ZC3H12B: variants seen among roughly 807,000 people sequenced by gnomAD.
ZC3H12B encodes the protein probable ribonuclease ZC3H12B.
In ZC3H12B, 7 loss-of-function variants were observed where a neutral mutation model predicts 43.9. The observed-to-expected ratio is 0.16, with a 90% CI of 0.09 to 0.30. ZC3H12B has a LOEUF of 0.30. ZC3H12B is among the 10% of genes least tolerant of loss of function. The probability of loss-of-function intolerance (pLI) is 1.00; values close to 1 mark genes in which losing one functional copy is unlikely to be tolerated. For synonymous variants in ZC3H12B, 222 were observed against 241.7 expected, an observed-to-expected ratio of 0.92 and a Z score of 0.76; for missense variants, 475 against 670.2, an observed-to-expected ratio of 0.71 and a Z score of 3.22.
chrX:65,307,190 G>C, the ZC3H12B span, among the ~76,000 whole-genome samples: 1 of 112,137 alleles, frequency 8.9e-6, no homozygotes, highest in Non-Finnish European at 1.9e-5. Flanking sequence ...AAGGTGTTTA[G>C]AGTTTTGACA....
At chrX:65,343,670 CA>C in the ZC3H12B span, among the ~76,000 whole-genome samples, 1 of 112,051 alleles carries the variant, frequency 8.9e-6, no homozygotes, top group Non-Finnish European at 1.9e-5. Flanking sequence ...ATTGAAAGAA[CA>C]TACATGAAAA....
intron 3 of ZC3H12B, among the ~76,000 whole-genome samples, chrX:65,430,695 A>G (rs1270904255): frequency 1.8e-5 from 2 of 109,869 alleles, no homozygotes; most frequent in East Asian, 2.9e-4. Flanking sequence ...ATGGCTGCAT[A>G]GTATTCCATG....
the ZC3H12B span, among the ~76,000 whole-genome samples, chrX:65,147,031 C>A: frequency 8.9e-6 from 1 of 112,180 alleles, no homozygotes; most frequent in South Asian, 3.7e-4. Context: ...GTCTCTCATC[C>A]ACAATGATCC....
intron 3 of ZC3H12B, among the ~76,000 whole-genome samples, chrX:65,411,558 TC>T (rs2066903650): frequency 9.1e-6 from 1 of 109,605 alleles, no homozygotes; most frequent in African/African-American, 3.3e-5. Context: ...AAAACCCGTC[TC>T]TACTAAAAAT....
the ZC3H12B span, among the ~76,000 whole-genome samples, chrX:65,045,755 C>A: frequency 4.5e-5 from 5 of 111,953 alleles, no homozygotes; most frequent in East Asian, 1.4e-3. Context: ...TTTTCAAGAT[C>A]CAGCAGAGGA....
chrX:65,488,867 G>A (rs1175966878), exon 1 of ZC3H12B: 7 of 1,208,583 alleles, frequency 5.8e-6, no homozygotes, highest in Non-Finnish European at 7.8e-6. Context: ...AAGAGAAGCA[G>A]CAGCCTAAGC....
the ZC3H12B span, among the ~76,000 whole-genome samples, chrX:65,347,134 G>A: frequency 8.9e-6 from 1 of 112,090 alleles, no homozygotes; most frequent in Non-Finnish European, 1.9e-5. Context: ...CTGTTCTGTA[G>A]CCTCTGCTAC....
At chrX:65,431,737 A>G (rs1454675812) in intron 3 of ZC3H12B, among the ~76,000 whole-genome samples, 3 of 112,128 alleles carry the variant, frequency 2.7e-5, no homozygotes, top group Admixed American at 9.5e-5. Context: ...TTTCTCAATC[A>G]TATGTCTTTC....
the ZC3H12B span, among the ~76,000 whole-genome samples, chrX:65,316,354 C>T: frequency 9.0e-6 from 1 of 111,508 alleles, no homozygotes; most frequent in Non-Finnish European, 1.9e-5. Flanking sequence ...AAATAGTCAT[C>T]GGATTCTGCA....
At chrX:65,393,501 C>T (rs1417315041) in intron 2 of ZC3H12B, among the ~76,000 whole-genome samples, 1 of 110,988 alleles carries the variant, frequency 9.0e-6, no homozygotes, top group Non-Finnish European at 1.9e-5. Flanking sequence ...TCCCTGTGTC[C>T]ATGTGTTCTC....
intron 3 of ZC3H12B, among the ~76,000 whole-genome samples, chrX:65,463,693 T>C (rs534165528): frequency 6.3e-5 from 7 of 111,319 alleles, no homozygotes; most frequent in South Asian, 7.8e-4. Context: ...TTCTCTTTTG[T>C]ATATGTGTCT....
chrX:65,087,047 A>G, the ZC3H12B span, among the ~76,000 whole-genome samples: 1 of 109,800 alleles, frequency 9.1e-6, no homozygotes, highest in African/African-American at 3.3e-5. Context: ...CCTCTCTAAC[A>G]CACCCAGGCT....
At chrX:65,218,516 T>A in the ZC3H12B span, among the ~76,000 whole-genome samples, 1 of 111,514 alleles carries the variant, frequency 9.0e-6, no homozygotes, top group Non-Finnish European at 1.9e-5. Flanking sequence ...ATAGGCTGCA[T>A]GGGAGCTGGG....
the ZC3H12B span, among the ~76,000 whole-genome samples, chrX:65,226,712 AAAAG>A: frequency 9.0e-6 from 1 of 111,387 alleles, no homozygotes; most frequent in Non-Finnish European, 1.9e-5. Context: ...GGAAAACAAA[AAAAG>A]GCAGGGGTTG....
the ZC3H12B span, among the ~76,000 whole-genome samples, chrX:65,105,590 G>T: frequency 9.0e-6 from 1 of 110,803 alleles, no homozygotes; most frequent in Non-Finnish European, 1.9e-5. Flanking sequence ...GGTTGGTAGA[G>T]AAATTAGCTG....
chrX:65,378,521 T>G lies in ZC3H12B; in HGVS notation n.295+9523T>G, dbSNP rs776699569. Among the ~76,000 whole-genome samples, 8 of 110,779 alleles carry G rather than the reference T, an allele frequency of 7.2e-5. No individual in the cohort carries two copies. In the East Asian group the frequency reaches 2.3e-3, roughly 32 times the overall value. ...TACCACCAGACAAAATTACCTTCAC[T>G]AAAAGGAAGACGAGAAGGAAGGAAA... On this transcript the variant is annotated intron_variant and non_coding_transcript_variant, in intron 2 of 5. Coordinates refer to the ZC3H12B transcript ENST00000617377.
the ZC3H12B span, among the ~76,000 whole-genome samples, chrX:65,179,084 A>G: frequency 2.7e-5 from 3 of 111,900 alleles, no homozygotes; most frequent in Admixed American, 1.9e-4. Flanking sequence ...AGCCATAAAA[A>G]TGATGAGTTC....
the ZC3H12B span, among the ~76,000 whole-genome samples, chrX:65,212,623 TA>T: frequency 4.5e-3 from 378 of 84,474 alleles, 2 homozygotes; most frequent in African/African-American, 0.015. Context: ...TGATATATAA[TA>T]TATATAAATA....
At chrX:65,064,120 G>A in the ZC3H12B span, among the ~76,000 whole-genome samples, 1 of 111,440 alleles carries the variant, frequency 9.0e-6, no homozygotes, top group South Asian at 3.7e-4. Context: ...GATTTATCGA[G>A]TTTTTGAAAG....
Sources: gnomAD v4.1 joint callset for allele counts (sites outside exome capture counted in the v4.1 genomes callset) on GRCh38, gnomAD v4.1.1 for gene constraint, MANE v1.5 for transcripts, NCBI Gene and HGNC (gene_info 2026-07-23, HGNC 2026-07-21) for gene names.